The following GNA12 variants were observed in gnomAD, a reference collection of about 807,000 sequenced individuals.
The protein encoded by GNA12 is G protein subunit alpha 12.
Under a neutral mutation model 26.0 loss-of-function variants are expected in GNA12, and 9 were observed. The observed-to-expected ratio is 0.35, with a 90% CI of 0.21 to 0.60. GNA12 has a LOEUF of 0.60. GNA12 is among the 20% of genes least tolerant of loss of function. The probability of loss-of-function intolerance (pLI) is 0.78; values close to 1 mark genes in which losing one functional copy is unlikely to be tolerated. For synonymous variants in GNA12, 264 were observed against 219.6 expected (o/e 1.20, Z -1.79); for missense variants, 405 against 525.8 (o/e 0.77, Z 2.25).
At chr7:2,770,446 G>A (rs375771001) in intron 2 of GNA12, among the ~76,000 whole-genome samples, 22 of 152,212 alleles carry the variant, frequency 1.4e-4, no homozygotes, top group South Asian at 8.3e-4. Flanking sequence ...CTTGTCCATT[G>A]GAGTTGGCAT....
At chr7:2,824,105 T>C (rs944884338) in intron 1 of GNA12, among the ~76,000 whole-genome samples, 3 of 152,150 alleles carry the variant, frequency 2.0e-5, no homozygotes, top group African/African-American at 4.8e-5. Context: ...TTTCACAACA[T>C]TTCTAGGATC....
In GNA12 at chr7:2,768,366, A is replaced by C. The variant is rs140850278; in HGVS notation, c.525+26562T>G. ...AAAGTCATGTCACTTCATCCAGTGA[A>C]GATCAGTAGCCTTCCTTTTTGAGGT... On this transcript the variant is annotated intron_variant, in intron 2 of 3. Transcript: ENST00000275364. Among the ~76,000 whole-genome samples the C allele has an allele frequency of 4.1e-3, 624 of 152,368 alleles. 5 individuals carry two copies. Among genetic ancestry groups the C allele is most frequent in the African/African-American group, 0.014 (593 of 41,588 alleles).
At chr7:2,774,110 G>A (rs1792015763) in intron 2 of GNA12, among the ~76,000 whole-genome samples, 1 of 152,146 alleles carries the variant, frequency 6.6e-6, no homozygotes, top group Non-Finnish European at 1.5e-5. Context: ...CTTCTGGAGA[G>A]CAGAAGGTGG....
In GNA12 at chr7:2,841,875, C is replaced by T. The variant is rs1778997998; in HGVS notation, c.309+1978G>A. On this transcript the variant is annotated intron_variant, in intron 1 of 3. Coordinates refer to ENST00000275364, the MANE Select transcript of GNA12 (RefSeq NM_007353.3). The stretch of plus-strand genomic sequence containing the variant: ...GGCACCATAAAACCTAGTCTCCAGG[C>T]AGGTTTTCTGGCATGGCAAACTTCT... 3.3e-5 allele frequency among the ~76,000 whole-genome samples: 5 copies of T among 152,210 alleles called. No individual in the cohort carries two copies. In the South Asian group the frequency reaches 8.3e-4, roughly 25 times the overall value.
intron 1 of GNA12, among the ~76,000 whole-genome samples, chr7:2,820,919 C>A (rs1448407401): frequency 6.6e-6 from 1 of 152,208 alleles, no homozygotes; most frequent in South Asian, 2.1e-4. Context: ...CTAAAAATTT[C>A]TGATAGAGAT....
chr7:2,739,121 C>T (rs73049305), intron 2 of GNA12, among the ~76,000 whole-genome samples: 16,234 of 152,304 alleles, frequency 0.11, 1,006 homozygotes, highest in Middle Eastern at 0.18. Flanking sequence ...CCACGCCGGG[C>T]CCCTAAAGCA....
rs542115718 is a variant in GNA12 at position 2,787,421 on chromosome 7, G to A, written c.525+7507C>T. On this transcript the variant is annotated intron_variant, in intron 2 of 3. Transcript: ENST00000275364. ...CCACAGGCACCACGAGCTGTCGCCT[G>A]TCACCCACCGCTCTGGCCCACCTCC... 2.8e-4 allele frequency among the ~76,000 whole-genome samples: 43 copies of A among 152,320 alleles called. No homozygotes were observed. In the Middle Eastern group the frequency reaches 0.01, roughly 36 times the overall value.
At chr7:2,829,334 T>A (rs1421907328) in intron 1 of GNA12, among the ~76,000 whole-genome samples, 2 of 152,046 alleles carry the variant, frequency 1.3e-5, no homozygotes, top group Non-Finnish European at 2.9e-5. Flanking sequence ...AACACTGAGG[T>A]TTAGGTTCAT....
At chr7:2,739,541 G>C (rs778508697) in intron 2 of GNA12, among the ~76,000 whole-genome samples, 10 of 152,192 alleles carry the variant, frequency 6.6e-5, no homozygotes, top group Non-Finnish European at 8.8e-5. Context: ...CCATTTGTCA[G>C]TTGATGAACA....
At chr7:2,740,869 C>A (rs1008287254) in intron 2 of GNA12, among the ~76,000 whole-genome samples, 1 of 152,088 alleles carries the variant, frequency 6.6e-6, no homozygotes, top group Non-Finnish European at 1.5e-5. Context: ...ATGGTGAAAC[C>A]CTGCCTCTAC....
chr7:2,825,725 A>G (rs938238761), intron 1 of GNA12, among the ~76,000 whole-genome samples: 1 of 152,190 alleles, frequency 6.6e-6, no homozygotes, highest in African/African-American at 2.4e-5. Context: ...TGCGTCCAGG[A>G]CACTGAAAGA....
At chr7:2,754,394 T>C (rs543497178) in intron 2 of GNA12, among the ~76,000 whole-genome samples, 3 of 152,276 alleles carry the variant, frequency 2.0e-5, no homozygotes, top group South Asian at 2.1e-4. Context: ...TTGTCGGATA[T>C]GTAGTCAGCA....
chr7:2,763,375 G>A (rs1009234089), intron 2 of GNA12: 1 of 153,330 alleles, frequency 6.5e-6, no homozygotes. Flanking sequence ...GGGCGGAGAA[G>A]GCCGAGTTCC....
At chr7:2,768,896 A>C (rs1280153360) in intron 2 of GNA12, among the ~76,000 whole-genome samples, 1 of 152,158 alleles carries the variant, frequency 6.6e-6, no homozygotes, top group East Asian at 1.9e-4. Context: ...ATTGTTTTCC[A>C]AGTTGGTTTT....
chr7:2,839,930 G>A (rs549908640), intron 1 of GNA12, among the ~76,000 whole-genome samples: 3 of 152,238 alleles, frequency 2.0e-5, no homozygotes, highest in Admixed American at 6.5e-5. Context: ...ACCCCGGGGC[G>A]GAGGTTGCAG....
At chr7:2,741,284 G>C (rs1019916007) in intron 2 of GNA12, among the ~76,000 whole-genome samples, 1 of 152,114 alleles carries the variant, frequency 6.6e-6, no homozygotes, top group Non-Finnish European at 1.5e-5. Context: ...GAGCCCAGGA[G>C]GTTGAGGATG....
chr7:2,797,282 C>T (rs1279016065), intron 1 of GNA12, among the ~76,000 whole-genome samples: 1 of 152,088 alleles, frequency 6.6e-6, no homozygotes, highest in African/African-American at 2.4e-5. Context: ...GGAGCTGGGA[C>T]CACAGGCATG....
chr7:2,762,478 T>C, intron 2 of GNA12: 1 of 682,432 alleles, frequency 1.5e-6, no homozygotes, highest in Non-Finnish European at 2.3e-6. Flanking sequence ...AACCCACCCG[T>C]GTGCGGGGCC....
intron 2 of GNA12, among the ~76,000 whole-genome samples, chr7:2,783,344 G>C (rs1792276781): frequency 6.6e-6 from 1 of 152,168 alleles, no homozygotes; most frequent in Non-Finnish European, 1.5e-5. Context: ...AGGTATGTGG[G>C]TGACAGGTCT....
Sources: gnomAD v4.1 joint callset for allele counts (sites outside exome capture counted in the v4.1 genomes callset) on GRCh38, gnomAD v4.1.1 for gene constraint, MANE v1.5 for transcripts, NCBI Gene and HGNC (gene_info 2026-07-23, HGNC 2026-07-21) for gene names.